Variants in ZNF664 observed in about 807,000 individuals in gnomAD.
ZNF664 encodes zinc finger protein 664.
A neutral mutation model predicts 18.2 loss-of-function variants in ZNF664; 10 were observed. The observed-to-expected ratio is 0.55, with a 90% CI of 0.34 to 0.93. The LOEUF is 0.93. Among genes scored for constraint, ZNF664 ranks in the 40% least tolerant of loss-of-function variants. The probability of loss-of-function intolerance (pLI) is 0.02; values close to 1 mark genes in which losing one functional copy is unlikely to be tolerated. For synonymous variants in ZNF664, 119 were observed against 104.2 expected, an observed-to-expected ratio of 1.14 and a Z score of -0.86; for missense variants, 193 against 319.0, an observed-to-expected ratio of 0.61 and a Z score of 3.01.
chr12:124,004,044 A>G (rs1475191321), intron 3 of ZNF664, among the ~76,000 whole-genome samples: 1 of 152,180 alleles, frequency 6.6e-6, no homozygotes, highest in Non-Finnish European at 1.5e-5. Flanking sequence ...CAGACAGGGA[A>G]CAAAGGGTCA....
intron 2 of ZNF664, 81 bp from the exon 3 acceptor site, chr12:123,987,962 T>G: frequency 2.4e-6 from 3 of 1,229,262 alleles, no homozygotes; most frequent in Non-Finnish European, 3.0e-6. Flanking sequence ...ACGTTTATAG[T>G]AGCTAGTTCA....
intron 3 of ZNF664, among the ~76,000 whole-genome samples, chr12:123,997,040 A>G (rs1956957093): frequency 1.3e-5 from 2 of 152,154 alleles, no homozygotes; most frequent in African/African-American, 4.8e-5. Context: ...CAAAGAATAA[A>G]ACTCTTGTAA....
At chr12:124,007,633 G>C (rs1038498691) in intron 3 of ZNF664, among the ~76,000 whole-genome samples, 1 of 152,200 alleles carries the variant, frequency 6.6e-6, no homozygotes, top group African/African-American at 2.4e-5. Context: ...CCTCTATGCG[G>C]TGGTCCTGGG....
chr12:123,990,276 T>A (rs184535442), intron 3 of ZNF664, among the ~76,000 whole-genome samples: 51 of 152,350 alleles, frequency 3.3e-4, no homozygotes, highest in African/African-American at 1.2e-3. Flanking sequence ...AGATTTTATG[T>A]TATGTGTTTT....
rs184581439 is a variant in ZNF664, at chr12:123,986,866, A to C, written c.-756-1177A>C. The stretch of plus-strand genomic sequence containing the variant: ...ATCAAGACCACTTGAAATTCCTCCA[A>C]ATGTATTCCTGCCCTTTAAAATATT... On this transcript the variant is annotated intron_variant, in intron 2 of 4. Transcript: ENST00000337815. Among the ~76,000 whole-genome samples, 13 of 152,334 alleles carry C rather than the reference A, an allele frequency of 8.5e-5. No homozygotes were observed. In the East Asian group the frequency reaches 2.1e-3, roughly 25 times the overall value.
chr12:123,988,520 G>A (rs1232912721), intron 3 of ZNF664, among the ~76,000 whole-genome samples: 1 of 151,544 alleles, frequency 6.6e-6, no homozygotes, highest in East Asian at 1.9e-4. Flanking sequence ...TTCTTCTGTT[G>A]TTCCTATCCT....
intron 3 of ZNF664, among the ~76,000 whole-genome samples, chr12:124,000,914 A>G (rs745881528): frequency 6.6e-6 from 1 of 152,142 alleles, no homozygotes; most frequent in Non-Finnish European, 1.5e-5. Context: ...TCACACATGT[A>G]TACCTTATAA....
rs144564914 is a variant in ZNF664, at chr12:123,979,934, T to G, written c.-757+5914T>G. Among the ~76,000 whole-genome samples the G allele has an allele frequency of 6.5e-3, 987 of 152,342 alleles. 6 individuals are homozygous for G. Among genetic ancestry groups the G allele is most frequent in the African/African-American group, 0.022 (922 of 41,564 alleles). On this transcript the variant is annotated intron_variant, in intron 2 of 4. Transcript: ENST00000337815. ...CCTGGCCTCAAGTGATCCTCCCGCCTTGGCCTCCCAAAGTGTTGGGATTAC... is the reference window on the plus strand; with the variant it reads ...CCTGGCCTCAAGTGATCCTCCCGCCGTGGCCTCCCAAAGTGTTGGGATTAC...
intron 3 of ZNF664, among the ~76,000 whole-genome samples, chr12:124,010,472 CCTT>C (rs1329363003): frequency 6.6e-6 from 1 of 152,126 alleles, no homozygotes; most frequent in Non-Finnish European, 1.5e-5. Context: ...TTTATCTCCT[CCTT>C]ATTCTATTTG....
chr12:123,974,261 C>T (rs1594534336), intron 2 of ZNF664: 1 of 382,376 alleles, frequency 2.6e-6, no homozygotes, highest in Non-Finnish European at 4.6e-6. Flanking sequence ...TAAATCTCCC[C>T]GGGAGCCTGC....
chr12:123,988,234 T>G, intron 3 of ZNF664, 96 bp downstream of exon 3: 1 of 1,164,670 alleles, frequency 8.6e-7, no homozygotes, highest in Non-Finnish European at 1.1e-6. Flanking sequence ...TCTGAGCATG[T>G]GCCCTTTGGG....
chr12:123,998,260 T>A (rs1415443320), intron 3 of ZNF664: 2 of 152,220 alleles, frequency 1.3e-5, no homozygotes, highest in Admixed American at 1.3e-4. Context: ...ACACTTTAAA[T>A]GCCTTCTGTT....
intron 3 of ZNF664, among the ~76,000 whole-genome samples, chr12:124,008,769 C>CT (rs1415286537): frequency 6.6e-6 from 1 of 152,166 alleles, no homozygotes; most frequent in African/African-American, 2.4e-5. Context: ...AATTGCCTTT[C>CT]TTATTCCTTT....
At chr12:123,996,899 G>A (rs944727396) in intron 3 of ZNF664, among the ~76,000 whole-genome samples, 2 of 152,172 alleles carry the variant, frequency 1.3e-5, no homozygotes, top group Admixed American at 1.3e-4. Flanking sequence ...TAGTCTAATT[G>A]TGAAGCCACT....
chr12:124,009,768 G>A (rs143027269), intron 3 of ZNF664, among the ~76,000 whole-genome samples: 3 of 152,176 alleles, frequency 2.0e-5, no homozygotes, highest in Non-Finnish European at 2.9e-5. Flanking sequence ...CTCCCACCTC[G>A]GCCTCCTGGC....
At chr12:123,987,130 G>T (rs1305213264) in intron 2 of ZNF664, among the ~76,000 whole-genome samples, 1 of 152,180 alleles carries the variant, frequency 6.6e-6, no homozygotes, top group African/African-American at 2.4e-5. Flanking sequence ...CTAACCACAT[G>T]CCTTTCACAT....
In ZNF664 at chr12:123,973,944, G is replaced by C. The variant is rs1468371898; in HGVS notation, c.-833G>C. 2 of 1,231,804 alleles carry C rather than the reference G, an allele frequency of 1.6e-6. No homozygotes were observed. Among genetic ancestry groups the C allele is most frequent in the African/African-American group, 1.6e-5 (1 of 64,442 alleles). 76.3% of individuals were successfully genotyped at this position (1,231,804 alleles called of 1,614,324 possible). On this transcript the variant is annotated 5_prime_UTR_variant, in exon 2 of 5. Transcript: ENST00000337815. ...CCGCTCAGGTGATGAGGAACCCCTC[G>C]CGCACCCAGCGCAGAAGGCTGCTGC... is the stretch of plus-strand genomic sequence containing the variant.
At chr12:123,973,692 G>T in intron 1 of ZNF664, 194 bp from the exon 2 acceptor site, 1 of 977,798 alleles carries the variant, frequency 1.0e-6, no homozygotes, top group Non-Finnish European at 1.3e-6. Flanking sequence ...CTCGGGAGCC[G>T]GACTCCCGAG....
intron 3 of ZNF664, among the ~76,000 whole-genome samples, chr12:124,008,007 C>T (rs369721179): frequency 1.5e-4 from 23 of 152,194 alleles, no homozygotes; most frequent in African/African-American, 5.1e-4. Context: ...TACCCCGAAT[C>T]ACATTTCCTT....
Sources: gnomAD v4.1 joint callset for allele counts (sites outside exome capture counted in the v4.1 genomes callset) on GRCh38, gnomAD v4.1.1 for gene constraint, MANE v1.5 for transcripts, NCBI Gene and HGNC (gene_info 2026-07-23, HGNC 2026-07-21) for gene names.